The following WWOX variants were observed in gnomAD, a reference collection of about 807,000 sequenced individuals.
The protein encoded by WWOX is WW domain-containing oxidoreductase.
Under a neutral mutation model 46.2 loss-of-function variants are expected in WWOX, and 69 were observed. That is an observed-to-expected ratio of 1.49 (90% CI 1.23 to 1.82). The LOEUF (loss-of-function observed/expected upper bound fraction) is 1.82. Ranked by LOEUF, WWOX falls within the 40% of genes most tolerant of loss-of-function variation. The pLI, the probability that WWOX is intolerant of heterozygous loss-of-function variation, is 0.00. For synonymous variants in WWOX, 359 were observed against 202.6 expected (o/e 1.77, Z -6.56); for missense variants, 919 against 542.6 (o/e 1.69, Z -6.89).
intron 8 of WWOX, among the ~76,000 whole-genome samples, chr16:78,857,738 C>T (rs2052599981): frequency 6.6e-6 from 1 of 152,298 alleles, no homozygotes; most frequent in East Asian, 1.9e-4. Context: ...AAAACTTTGA[C>T]TCATGCTCAT....
intron 4 of WWOX, among the ~76,000 whole-genome samples, chr16:78,133,321 C>T (rs1307723098): frequency 6.6e-6 from 1 of 152,144 alleles, no homozygotes; most frequent in Non-Finnish European, 1.5e-5. Context: ...AGTGCAGTGG[C>T]TCAATCTCGG....
At chr16:78,520,382 T>G (rs1426157152) in intron 8 of WWOX, among the ~76,000 whole-genome samples, 2 of 152,206 alleles carry the variant, frequency 1.3e-5, no homozygotes, top group Admixed American at 1.3e-4. Flanking sequence ...TAATTGATTT[T>G]CATGTCTCGA....
At chr16:78,624,151 T>A (rs978699587) in intron 8 of WWOX, among the ~76,000 whole-genome samples, 12 of 152,198 alleles carry the variant, frequency 7.9e-5, no homozygotes, top group African/African-American at 2.9e-4. Flanking sequence ...AAAGTGAAAT[T>A]GGAATTTTTG....
chr16:78,865,619 C>T (rs144626544), intron 8 of WWOX, among the ~76,000 whole-genome samples: 23 of 152,288 alleles, frequency 1.5e-4, no homozygotes, highest in Admixed American at 1.5e-3. Flanking sequence ...GTGGCTCAAG[C>T]CTGTAATCCC....
At chr16:78,927,600 T>C (rs1273995187) in intron 8 of WWOX, among the ~76,000 whole-genome samples, 1 of 152,182 alleles carries the variant, frequency 6.6e-6, no homozygotes, top group Non-Finnish European at 1.5e-5. Context: ...CCCTATGTAG[T>C]TCACATAACT....
chr16:79,071,435 C>G (rs1310281696), intron 8 of WWOX, among the ~76,000 whole-genome samples: 1 of 152,158 alleles, frequency 6.6e-6, no homozygotes, highest in African/African-American at 2.4e-5. Context: ...CTCTTAGAGC[C>G]CTGTTACCCA....
intron 8 of WWOX, among the ~76,000 whole-genome samples, chr16:79,163,435 A>T (rs540809328): frequency 3.3e-5 from 5 of 152,312 alleles, no homozygotes; most frequent in African/African-American, 1.2e-4. Context: ...GAGCTCTATA[A>T]GAGATAAGCA....
chr16:78,306,794 ACT>A (rs1164313251), intron 5 of WWOX, among the ~76,000 whole-genome samples: 3 of 150,978 alleles, frequency 2.0e-5, no homozygotes, highest in African/African-American at 4.9e-5. Flanking sequence ...CACAATCCCC[ACT>A]GAGTCCCATT....
intron 8 of WWOX, among the ~76,000 whole-genome samples, chr16:78,729,629 C>G (rs1481603361): frequency 6.6e-6 from 1 of 152,140 alleles, no homozygotes; most frequent in African/African-American, 2.4e-5. Flanking sequence ...GGAGGAAGCA[C>G]AGTCCTGCTA....
In WWOX at chr16:78,613,337, A is replaced by G. The variant is rs550447776; in HGVS notation, c.1056+180585A>G. ...GTGTTCCTTGAAGTCCCGATGCGTG[A>G]TTTGTCCCCATGCTGTGTCGCACTT... is the stretch of plus-strand genomic sequence containing the variant. On this transcript the variant is annotated intron_variant, in intron 8 of 8. Transcript: ENST00000566780. 5.1e-4 allele frequency among the ~76,000 whole-genome samples: 77 copies of G among 152,118 alleles called. 1 individual carries two copies. The highest frequency in any genetic ancestry group is 2.1e-3 in the Admixed American group (32 of 15,274).
chr16:78,406,446 G>A (rs1396742056), intron 6 of WWOX, among the ~76,000 whole-genome samples: 1 of 148,362 alleles, frequency 6.7e-6, no homozygotes, highest in Non-Finnish European at 1.5e-5. Flanking sequence ...TCCGCCGCCC[G>A]GGTTCAAGCG....
intron 8 of WWOX, chr16:79,101,326 C>G (rs2049188375): frequency 2.0e-5 from 3 of 152,192 alleles, no homozygotes; most frequent in Admixed American, 2.0e-4. Flanking sequence ...CTGCTGGTCT[C>G]TCTGCTGACA....
intron 8 of WWOX, among the ~76,000 whole-genome samples, chr16:78,725,337 TTCTTTTC>T (rs2048800485): frequency 8.4e-6 from 1 of 118,952 alleles, no homozygotes; most frequent in African/African-American, 3.6e-5. Context: ...TTCTTTTCTT[TTCTTTTC>T]TTTTTTTTTT....
intron 5 of WWOX, among the ~76,000 whole-genome samples, chr16:78,331,209 C>T (rs1386480542): frequency 6.6e-6 from 1 of 152,154 alleles, no homozygotes; most frequent in Non-Finnish European, 1.5e-5. Flanking sequence ...CAGAAATTAT[C>T]ACTGAGGGTG....
chr16:78,639,663 G>T (rs2472197), intron 8 of WWOX, among the ~76,000 whole-genome samples: 1 of 151,828 alleles, frequency 6.6e-6, no homozygotes, highest in Non-Finnish European at 1.5e-5. Flanking sequence ...TCCCAGGTTC[G>T]AGTGATTTTC....
At chr16:78,800,862 C>T (rs1198551109) in intron 8 of WWOX, among the ~76,000 whole-genome samples, 2 of 152,152 alleles carry the variant, frequency 1.3e-5, no homozygotes, top group Admixed American at 1.3e-4. Context: ...GGTCAGTCAA[C>T]ACTCAGTCTG....
In WWOX at chr16:78,578,254, TTATATATATATATA is replaced by T. The variant is rs1194130355; in HGVS notation, c.1056+145520_1056+145533del. ...TACAAATATATGTGCATACCAAATT[TTATATATATATATA>T]TATATATATATATATATTTTTTTTT... On this transcript the variant is annotated intron_variant, in intron 8 of 8. Transcript: ENST00000566780. 6.6e-4 allele frequency among the ~76,000 whole-genome samples: 21 copies of T among 31,644 alleles called. No homozygotes were observed. The East Asian group carries it at 7.8e-3, about 12-fold the overall frequency. 20.8% of individuals were successfully genotyped at this position (31,644 alleles called of 152,430 possible). A position where few individuals can be genotyped will look rare whatever the true frequency, so the allele number is the denominator to read the frequency against.
chr16:78,903,813 C>T (rs887594974), intron 8 of WWOX, among the ~76,000 whole-genome samples: 2 of 152,174 alleles, frequency 1.3e-5, no homozygotes, highest in African/African-American at 4.8e-5. Flanking sequence ...GAGTCCAGTC[C>T]ATTTATAACA....
intron 8 of WWOX, among the ~76,000 whole-genome samples, chr16:78,544,924 C>G (rs966543709): frequency 2.0e-5 from 3 of 151,352 alleles, no homozygotes; most frequent in Admixed American, 2.0e-4. Flanking sequence ...TGCCTATAAT[C>G]CTAGCCCTTT....
Sources: gnomAD v4.1 joint callset for allele counts (sites outside exome capture counted in the v4.1 genomes callset) on GRCh38, gnomAD v4.1.1 for gene constraint, MANE v1.5 for transcripts, NCBI Gene and HGNC (gene_info 2026-07-23, HGNC 2026-07-21) for gene names.